The following PLCH2 variants were observed in gnomAD, a reference collection of about 807,000 sequenced individuals.
The protein encoded by PLCH2 is 1-phosphatidylinositol 4,5-bisphosphate phosphodiesterase eta-2.
PLCH2 carries 98 observed loss-of-function variants against 134.7 expected under a neutral mutation model. That is an observed-to-expected ratio of 0.73 (90% CI 0.62 to 0.86). The LOEUF (loss-of-function observed/expected upper bound fraction) is 0.86, where lower values mean the gene tolerates loss of function less well. PLCH2 is among the 40% of genes least tolerant of loss of function. PLCH2 has a pLI of 0.00. For missense variants in PLCH2, 1,994 were observed against 1,986.6 expected, an observed-to-expected ratio of 1.00 and a Z score of -0.07; for synonymous variants, 974 against 827.5, an observed-to-expected ratio of 1.18 and a Z score of -3.04.
chr1:2,492,008 C>T (rs983354481), intron 11 of PLCH2, among the ~76,000 whole-genome samples: 49 of 152,326 alleles, frequency 3.2e-4, no homozygotes, highest in Non-Finnish European at 3.8e-4. Flanking sequence ...TACAGACCCT[C>T]CACAGGGTGA....
upstream of PLCH2, among the ~76,000 whole-genome samples, chr1:2,472,742 G>A (rs905309420): frequency 1.3e-5 from 2 of 152,156 alleles, no homozygotes; most frequent in African/African-American, 2.4e-5. Context: ...GGGAGAGGAG[G>A]GGGCTTAGAG....
upstream of PLCH2, among the ~76,000 whole-genome samples, chr1:2,424,264 T>C (rs1638661687): frequency 6.6e-6 from 1 of 151,424 alleles, no homozygotes; most frequent in Admixed American, 6.6e-5. Context: ...GAAACTCTAT[T>C]ATTAATTATA....
At chr1:2,436,159 C>T (rs1168705139) in intron 2 of PLCH2, among the ~76,000 whole-genome samples, 1 of 134,838 alleles carries the variant, frequency 7.4e-6, no homozygotes. Context: ...TCCCTGCTCC[C>T]TCCTCCCTTC....
At chr1:2,495,250 C>T (rs12022393) in intron 12 of PLCH2, among the ~76,000 whole-genome samples, 46,238 of 152,030 alleles carry the variant, frequency 0.3, 8,024 homozygotes, top group African/African-American at 0.46. Flanking sequence ...CCTTCTCTGG[C>T]CCACGCTGGC....
At position 2,502,308 on chromosome 1, in the gene PLCH2, A is replaced by C; in HGVS notation, c.2858A>C (p.Asp953Ala). ...CCGGAGCTGGTCCTGGGTACACGGG[A>C]CACAGGCTCCAAGGGGGTGGCAGAC... ...GFPELVLGTR[D>A]TGSKGVADDV... Residue 953 changes from aspartate to alanine, a missense_variant, in exon 21 of 22, where the codon GAC becomes GCC. Around this residue, in one of 2 missense-constraint regions of PLCH2, gnomAD observed 900 missense variants for 752.3 expected, o/e 1.20. Transcript: ENST00000378486. 3 of 1,535,876 alleles carry C rather than the reference A, an allele frequency of 2.0e-6. No homozygotes were observed. The highest frequency in any genetic ancestry group is 2.6e-6 in the Non-Finnish European group (3 of 1,141,652).
upstream of PLCH2, among the ~76,000 whole-genome samples, chr1:2,475,294 C>T (rs569894788): frequency 1.2e-4 from 19 of 152,232 alleles, no homozygotes; most frequent in East Asian, 2.9e-3. Context: ...AGCAGCTGCC[C>T]GGAACCTTCC....
At chr1:2,485,674 C>A (rs1189512522) in intron 5 of PLCH2, among the ~76,000 whole-genome samples, 1 of 152,026 alleles carries the variant, frequency 6.6e-6, no homozygotes, top group African/African-American at 2.4e-5. Context: ...ACTCTACTGG[C>A]CTCGGCCTGG....
chr1:2,418,298 C>G, the PLCH2 span, among the ~76,000 whole-genome samples: 1 of 152,224 alleles, frequency 6.6e-6, no homozygotes, highest in African/African-American at 2.4e-5. Context: ...CTCTGGGCGC[C>G]TTCAGTTAGA....
rs946920667 is a variant in PLCH2, at chr1:2,505,512, A to G, written c.*299A>G. On this transcript the variant is annotated 3_prime_UTR_variant, in exon 22 of 22. Coordinates refer to ENST00000378486, the MANE Select transcript of PLCH2 (RefSeq NM_014638.4). Reference sequence around the variant, plus strand: ...GAAGCAAAACTTATACAACATTAAAATGATACCAAGTCCCTTTCCATTTTT... The same window carrying G: ...GAAGCAAAACTTATACAACATTAAAGTGATACCAAGTCCCTTTCCATTTTT... The G allele has an allele frequency of 4.0e-5, 18 of 446,284 alleles. No individual in the cohort carries two copies. Among genetic ancestry groups the G allele is most frequent in the Non-Finnish European group, 6.4e-5 (16 of 251,652 alleles). The allele number at this position is 446,284 out of a possible 1,614,324, so 27.6% of individuals were successfully genotyped here.
At chr1:2,457,777 C>A (rs1204840463) in intron 2 of PLCH2, among the ~76,000 whole-genome samples, 1 of 151,962 alleles carries the variant, frequency 6.6e-6, no homozygotes. Context: ...GAACATGAAC[C>A]ATCCCGGTCC....
upstream of PLCH2, among the ~76,000 whole-genome samples, chr1:2,423,740 C>G (rs1019298125): frequency 7.2e-5 from 11 of 151,952 alleles, no homozygotes; most frequent in Non-Finnish European, 1.3e-4. Flanking sequence ...AAGAGCATCT[C>G]AGATGGAAAT....
In PLCH2 at chr1:2,498,693, G is replaced by T; in HGVS notation, c.2349+46G>T. 6.5e-7 allele frequency: 1 copy of T among 1,533,892 alleles called. No homozygotes were observed. Among genetic ancestry groups the T allele is most frequent in the Non-Finnish European group, 8.9e-7 (1 of 1,126,598 alleles). ...GGCGGGAGGGGTGGGAGTTGGGGGCGGGCCGGGCATCGCGATGGGCCCTGA... is the reference window on the plus strand; with the variant it reads ...GGCGGGAGGGGTGGGAGTTGGGGGCTGGCCGGGCATCGCGATGGGCCCTGA... On this transcript the variant is annotated intron_variant, in intron 17 of 21. Coordinates refer to ENST00000378486, the MANE Select transcript of PLCH2 (RefSeq NM_014638.4). The surrounding 1 kb of genome is among the most constrained non-coding windows in gnomAD (Gnocchi z 5.4).
intron 21 of PLCH2, 122 bp downstream of exon 21, chr1:2,502,531 C>G (rs755501457): frequency 1.9e-6 from 2 of 1,075,890 alleles, no homozygotes; most frequent in South Asian, 1.3e-5. Flanking sequence ...TGGGATCCTG[C>G]GCCGGCGTGA....
chr1:2,420,582 C>T, the PLCH2 span, among the ~76,000 whole-genome samples: 1 of 152,148 alleles, frequency 6.6e-6, no homozygotes, highest in Non-Finnish European at 1.5e-5. Context: ...TTCTCAGGAC[C>T]CCAGGGCTGG....
rs12219 is a variant in PLCH2, at chr1:2,505,339, A to G, written c.*126A>G. 0.29 allele frequency: 195,088 copies of G among 674,134 alleles called. 33,142 individuals carry two copies. Among genetic ancestry groups the G allele is most frequent in the African/African-American group, 0.6 (32,124 of 53,304 alleles). 41.8% of individuals were successfully genotyped at this position (674,134 alleles called of 1,614,324 possible). On this transcript the variant is annotated 3_prime_UTR_variant, in exon 22 of 22. Transcript: ENST00000378486. Reference sequence around the variant, plus strand: ...CCCCTGGCTGCCCTGTGTCCCCTCCACCCCTGCCTCCCTCCTGCCCCTGCT... The same window carrying G: ...CCCCTGGCTGCCCTGTGTCCCCTCCGCCCCTGCCTCCCTCCTGCCCCTGCT...
rs771890412 is a variant in PLCH2 at position 2,487,196 on chromosome 1, C to T, written c.934C>T (p.Pro312Ser). ...AGGCTTCACCAACTACACCAGGAGC[C>T]CTGCTGGTGACATCTTCAACCCTGA... ...IDGFTNYTRS[P>S]AGDIFNPEHH... Residue 312 changes from proline to serine, a missense_variant, in exon 7 of 22, where the codon CCT becomes TCT. Physicochemically the swap from Pro to Ser is moderately conservative, Grantham distance 74. Transcript: ENST00000378486. The T allele has an allele frequency of 7.6e-6, 12 of 1,579,706 alleles. No homozygotes were observed. The highest frequency in any genetic ancestry group is 5.8e-5 in the South Asian group (5 of 86,890).
intron 2 of PLCH2, among the ~76,000 whole-genome samples, chr1:2,456,051 A>T (rs532837767): frequency 8.5e-5 from 13 of 152,368 alleles, no homozygotes; most frequent in African/African-American, 3.1e-4. Flanking sequence ...TGCAATTATT[A>T]GATTCCGTGT....
intron 13 of PLCH2, 80 bp downstream of exon 13, chr1:2,495,650 AC>A: frequency 1.0e-6 from 1 of 975,268 alleles, no homozygotes; most frequent in Non-Finnish European, 1.5e-6. Flanking sequence ...CGGTGACCCC[AC>A]CAGGACCATC....
chr1:2,505,111 C>A lies in PLCH2; in HGVS notation c.4149C>A (p.Cys1383Ter). Residue 1383 changes from cysteine to a stop codon, truncating the protein, a stop_gained, in exon 22 of 22, where the codon TGC becomes TGA. Coordinates refer to ENST00000378486, the MANE Select transcript of PLCH2 (RefSeq NM_014638.4). LOFTEE classifies it high-confidence loss of function. ...EEERGTPEGACSVGHEGSVDA... is the reference protein window; with the variant it reads ...EEERGTPEGA ...AGCGGGGCACCCCCGAGGGCGCCTG[C>A]TCCGTGGGCCACGAGGGCAGTGTGG... 4 of 1,545,482 alleles carry A rather than the reference C, an allele frequency of 2.6e-6. No individual in the cohort carries two copies. Among genetic ancestry groups the A allele is most frequent in the Non-Finnish European group, 3.5e-6 (4 of 1,154,104 alleles).
Sources: gnomAD v4.1 joint callset for allele counts (sites outside exome capture counted in the v4.1 genomes callset) on GRCh38, gnomAD v4.1.1 for gene constraint, gnomAD v4.1.1 regional missense constraint, Gnocchi (gnomAD v3.1) non-coding constraint, MANE v1.5 for transcripts, NCBI Gene and HGNC (gene_info 2026-07-23, HGNC 2026-07-21) for gene names.